PAX5: variants seen among roughly 807,000 people sequenced by gnomAD.
PAX5 encodes paired box protein Pax-5.
In PAX5, 9 loss-of-function variants were observed where a neutral mutation model predicts 43.7. That is an observed-to-expected ratio of 0.21 (90% CI 0.12 to 0.36). The LOEUF is 0.36. Among genes scored for constraint, PAX5 ranks in the 10% least tolerant of loss-of-function variants. The pLI is 1.00. For synonymous variants in PAX5, 228 were observed against 214.3 expected, an observed-to-expected ratio of 1.06 and a Z score of -0.56; for missense variants, 383 against 532.7, an observed-to-expected ratio of 0.72 and a Z score of 2.77.
In PAX5 at chr9:36,951,525, G is replaced by GA. The variant is rs1833009332; in HGVS notation, c.780+15023dup. Among the ~76,000 whole-genome samples, 3 of 152,122 alleles carry GA rather than the reference G, an allele frequency of 2.0e-5. No homozygotes were observed. In the South Asian group the frequency reaches 6.2e-4, roughly 32 times the overall value. The stretch of plus-strand genomic sequence containing the variant: ...TAAAGTTTATATCATCTGATAATGA[G>GA]ATTACTCTATCACATTTTATTTGGT... On this transcript the variant is annotated intron_variant, in intron 6 of 9. Transcript: ENST00000358127.
At chr9:37,022,510 C>T (rs1839939877) in intron 1 of PAX5, among the ~76,000 whole-genome samples, 2 of 152,146 alleles carry the variant, frequency 1.3e-5, no homozygotes, top group South Asian at 4.1e-4. Context: ...AAACAAAGGG[C>T]AGGCAAAGGA....
At position 37,015,293 on chromosome 9, in the gene PAX5, T is replaced by C; in HGVS notation, c.213-99A>G. 1 of 1,025,600 alleles carries C rather than the reference T, an allele frequency of 9.8e-7. No homozygotes were observed. Among genetic ancestry groups the C allele is most frequent in the Non-Finnish European group, 1.5e-6 (1 of 666,320 alleles). 63.5% of individuals were successfully genotyped at this position (1,025,600 alleles called of 1,614,324 possible). On this transcript the variant is annotated intron_variant, in intron 2 of 9. Transcript: ENST00000358127. This position sits in a 1 kb window ranked among gnomAD's most constrained non-coding sequence, Gnocchi z 4.4. ...ACTCTGGCCAGGAAACGTCCGGATCTGCACGTTCCAATACAGTAGCCACCA... is the reference window on the plus strand; with the variant it reads ...ACTCTGGCCAGGAAACGTCCGGATCCGCACGTTCCAATACAGTAGCCACCA...
At chr9:36,982,975 G>A (rs943521557) in intron 5 of PAX5, among the ~76,000 whole-genome samples, 2 of 152,110 alleles carry the variant, frequency 1.3e-5, no homozygotes, top group African/African-American at 4.8e-5. Context: ...TATGGGGGAG[G>A]AAGTATGGCA....
At chr9:36,886,547 C>G (rs1826924798) in intron 7 of PAX5, among the ~76,000 whole-genome samples, 1 of 152,186 alleles carries the variant, frequency 6.6e-6, no homozygotes, top group South Asian at 2.1e-4. Flanking sequence ...GGGTTTACAA[C>G]CTGTCAACAC....
At chr9:36,959,036 C>T (rs559857000) in intron 6 of PAX5, among the ~76,000 whole-genome samples, 3 of 152,330 alleles carry the variant, frequency 2.0e-5, no homozygotes, top group African/African-American at 7.2e-5. Flanking sequence ...GTCCCCACCC[C>T]TTTGCTGCTC....
chr9:36,859,303 T>C (rs937891875), intron 8 of PAX5, among the ~76,000 whole-genome samples: 1 of 152,080 alleles, frequency 6.6e-6, no homozygotes, highest in African/African-American at 2.4e-5. Context: ...CCAGTGTGTT[T>C]GTACAGGTAT....
intron 7 of PAX5, among the ~76,000 whole-genome samples, chr9:36,912,880 G>C (rs765325970): frequency 2.6e-5 from 4 of 152,178 alleles, no homozygotes; most frequent in Non-Finnish European, 4.4e-5. Context: ...AGGGAGGCAG[G>C]GGCAGAATTA....
intron 8 of PAX5, among the ~76,000 whole-genome samples, chr9:36,859,532 A>G (rs904398063): frequency 5.9e-5 from 9 of 152,028 alleles, no homozygotes; most frequent in Non-Finnish European, 1.2e-4. Flanking sequence ...CCCGACATTC[A>G]TTCCTTTGGG....
At chr9:37,009,216 G>A (rs1264052525) in intron 3 of PAX5, among the ~76,000 whole-genome samples, 1 of 152,216 alleles carries the variant, frequency 6.6e-6, no homozygotes, top group Non-Finnish European at 1.5e-5. Flanking sequence ...AGAGGCTGCA[G>A]TAGCACAGTG....
chr9:37,006,626 A>C, intron 3 of PAX5, 89 bp from the exon 4 acceptor site: 2 of 1,030,424 alleles, frequency 1.9e-6, no homozygotes, highest in Non-Finnish European at 3.1e-6. Context: ...CAGAAAACTC[A>C]TACCCAAGCT....
chr9:36,839,169 G>T lies in PAX5; in HGVS notation c.*1391C>A, dbSNP rs1821847611. The T allele has an allele frequency of 4.3e-6, 1 of 233,544 alleles. No homozygotes were observed. Among genetic ancestry groups the T allele is most frequent in the South Asian group, 1.8e-4 (1 of 5,540 alleles). The allele number at this position is 233,544 out of a possible 1,614,324, so 14.5% of individuals were successfully genotyped here. ...CCAGGTCACACAGCAGCTCCTCACTGCTCTCCTGCCCCTCCCTCAGGAGGC... is the reference window on the plus strand; with the variant it reads ...CCAGGTCACACAGCAGCTCCTCACTTCTCTCCTGCCCCTCCCTCAGGAGGC... On this transcript the variant is annotated 3_prime_UTR_variant, in exon 10 of 10. Transcript: ENST00000358127.
At chr9:36,879,379 T>C in intron 8 of PAX5, among the ~76,000 whole-genome samples, 1 of 152,178 alleles carries the variant, frequency 6.6e-6, no homozygotes, top group East Asian at 1.9e-4. Flanking sequence ...CTCTTTGGGG[T>C]TTCCAGTGGG....
intron 5 of PAX5, among the ~76,000 whole-genome samples, chr9:36,998,208 G>C (rs1837554267): frequency 6.6e-6 from 1 of 152,214 alleles, no homozygotes; most frequent in African/African-American, 2.4e-5. Flanking sequence ...TGCTGCTGAA[G>C]AACAGTTCAT....
At chr9:36,970,209 A>T (rs1029071085) in intron 5 of PAX5, among the ~76,000 whole-genome samples, 3 of 152,232 alleles carry the variant, frequency 2.0e-5, no homozygotes, top group African/African-American at 7.2e-5. Flanking sequence ...TGGAGAGGGG[A>T]GTGGCCTCCT....
rs551341141 is a variant in PAX5 at position 37,019,937 on chromosome 9, G to A, written c.212+699C>T. 9.2e-5 allele frequency among the ~76,000 whole-genome samples: 14 copies of A among 152,264 alleles called. No homozygotes were observed. The East Asian group carries it at 1.9e-3, about 21-fold the overall frequency. On this transcript the variant is annotated intron_variant, in intron 2 of 9. Transcript: ENST00000358127. ...TAGGTTTGTTTTCTCATCTTAAAAC[G>A]TGCTTCATTGGATCATGCGGAGGCT...
In PAX5 at chr9:36,971,524, G is replaced by A. The variant is rs115384622; in HGVS notation, c.605-4800C>T. 5.2e-3 allele frequency among the ~76,000 whole-genome samples: 795 copies of A among 152,294 alleles called. 6 individuals carry two copies. Among genetic ancestry groups the A allele is most frequent in the African/African-American group, 0.018 (748 of 41,550 alleles). ...AAATGCTCAGACCCATTTTATTCCAGGGAGAAAAGTCTGAACTCACAAAGT... is the reference window on the plus strand; with the variant it reads ...AAATGCTCAGACCCATTTTATTCCAAGGAGAAAAGTCTGAACTCACAAAGT... On this transcript the variant is annotated intron_variant, in intron 5 of 9. Transcript: ENST00000358127.
intron 4 of PAX5, among the ~76,000 whole-genome samples, chr9:37,003,566 C>T (rs1481235786): frequency 2.6e-5 from 4 of 152,066 alleles, no homozygotes; most frequent in Admixed American, 6.5e-5. Context: ...TGCCTGGTGC[C>T]GGGGCTCACG....
At chr9:36,966,951 T>C (rs1335065653) in intron 5 of PAX5, among the ~76,000 whole-genome samples, 2 of 152,218 alleles carry the variant, frequency 1.3e-5, no homozygotes, top group Non-Finnish European at 2.9e-5. Flanking sequence ...CAAAGCCCTT[T>C]TGACAGGCAT....
chr9:36,884,062 A>G (rs952604098), intron 7 of PAX5, among the ~76,000 whole-genome samples: 6 of 152,214 alleles, frequency 3.9e-5, no homozygotes, highest in Admixed American at 2.0e-4. Flanking sequence ...TCTTTTTGGC[A>G]AGTTCTTTAA....
Sources: allele counts gnomAD v4.1 joint callset (sites outside exome capture counted in the v4.1 genomes callset), GRCh38; gene constraint gnomAD v4.1.1; non-coding constraint Gnocchi (gnomAD v3.1); transcripts MANE v1.5; gene names NCBI Gene and HGNC (gene_info 2026-07-23, HGNC 2026-07-21).